The following EPB41L4A variants were observed in gnomAD, a reference collection of about 807,000 sequenced individuals.
The protein encoded by EPB41L4A is erythrocyte membrane protein band 4.1 like 4A.
A neutral mutation model predicts 108.6 loss-of-function variants in EPB41L4A; 100 were observed. That is an observed-to-expected ratio of 0.92 (90% CI 0.78 to 1.09). EPB41L4A has a LOEUF of 1.09. Among genes scored for constraint, EPB41L4A ranks in the 50% least tolerant of loss-of-function variants. The pLI is 0.00. For synonymous variants in EPB41L4A, 319 were observed against 289.0 expected (o/e 1.10, Z -1.05); for missense variants, 1,030 against 842.7 (o/e 1.22, Z -2.75).
At chr5:112,346,196 T>C (rs998337619) in intron 1 of EPB41L4A, among the ~76,000 whole-genome samples, 9 of 149,374 alleles carry the variant, frequency 6.0e-5, no homozygotes, top group African/African-American at 2.2e-4. Context: ...AAAAAAATTC[T>C]TTAAAGTTAG....
At chr5:112,210,376 C>T (rs1762678436) in intron 12 of EPB41L4A, among the ~76,000 whole-genome samples, 1 of 152,132 alleles carries the variant, frequency 6.6e-6, no homozygotes, top group South Asian at 2.1e-4. Context: ...CATATCATGA[C>T]AGTCCCCATT....
chr5:112,386,124 T>A (rs1414107046), intron 1 of EPB41L4A, among the ~76,000 whole-genome samples: 2 of 152,232 alleles, frequency 1.3e-5, no homozygotes, highest in Admixed American at 6.5e-5. Flanking sequence ...GTTAGTCACA[T>A]CTTTAATAAG....
At chr5:112,285,561 T>C (rs1420033191) in intron 2 of EPB41L4A, among the ~76,000 whole-genome samples, 1 of 152,132 alleles carries the variant, frequency 6.6e-6, no homozygotes, top group Non-Finnish European at 1.5e-5. Flanking sequence ...ACCACCATAA[T>C]AGAGCTATCT....
intron 1 of EPB41L4A, among the ~76,000 whole-genome samples, chr5:112,410,980 G>A (rs529601590): frequency 6.6e-4 from 101 of 152,246 alleles, no homozygotes; most frequent in South Asian, 1.2e-3. Flanking sequence ...TCACTGACCC[G>A]CCCTGAACCT....
At chr5:112,222,745 T>A (rs1748155272) in intron 12 of EPB41L4A, among the ~76,000 whole-genome samples, 1 of 152,198 alleles carries the variant, frequency 6.6e-6, no homozygotes, top group Non-Finnish European at 1.5e-5. Flanking sequence ...TCTGCTGGAC[T>A]GCACATCATC....
chr5:112,329,742 G>C (rs554298816), intron 1 of EPB41L4A, among the ~76,000 whole-genome samples: 4 of 152,192 alleles, frequency 2.6e-5, no homozygotes, highest in South Asian at 4.2e-4. Flanking sequence ...ACAGGAAAAA[G>C]GGGGTGTGAA....
rs1310988048 is a variant in EPB41L4A at position 112,194,603 on chromosome 5, T to A, written c.1467A>T (p.Glu489Asp). 6.2e-7 allele frequency: 1 copy of A among 1,606,672 alleles called. No individual in the cohort carries two copies. Residue 489 changes from glutamate to aspartate, a missense_variant, in exon 17 of 23, where the codon GAA (glutamate) becomes GAT (aspartate). Glu to Asp is a conservative substitution (Grantham distance 45). Transcript: ENST00000261486. ...TTTTCCGGTATTCTCTATTAGAATT[T>A]TCTGATTCACTACCACTGCTGGTGT... ...RCNTSSGSES[E>D]NSNREYRKKR...
intron 17 of EPB41L4A, among the ~76,000 whole-genome samples, chr5:112,185,354 T>C (rs943855029): frequency 2.2e-4 from 33 of 152,244 alleles, no homozygotes; most frequent in East Asian, 1.9e-4. Flanking sequence ...GCACTTAGTA[T>C]AGACTGTGGG....
At chr5:112,250,624 C>T (rs1750592652) in intron 9 of EPB41L4A, 1 of 152,150 alleles carries the variant, frequency 6.6e-6, no homozygotes, top group African/African-American at 2.4e-5. Context: ...GGAGAATTTT[C>T]ACCACTTCTG....
intron 12 of EPB41L4A, among the ~76,000 whole-genome samples, chr5:112,219,260 C>A (rs551232856): frequency 6.6e-6 from 1 of 152,262 alleles, no homozygotes; most frequent in East Asian, 1.9e-4. Flanking sequence ...GTGGTTCCCC[C>A]ATGCTATTCT....
At chr5:112,399,029 A>G (rs1675496064) in intron 1 of EPB41L4A, among the ~76,000 whole-genome samples, 1 of 152,114 alleles carries the variant, frequency 6.6e-6, no homozygotes, top group African/African-American at 2.4e-5. Context: ...CAGTAAATGT[A>G]CACTGTGAGA....
At chr5:112,317,084 A>T (rs1755475985) in intron 1 of EPB41L4A, among the ~76,000 whole-genome samples, 1 of 152,234 alleles carries the variant, frequency 6.6e-6, no homozygotes, top group Non-Finnish European at 1.5e-5. Context: ...AACAGATCCC[A>T]TCTCTTGATA....
chr5:112,230,280 CT>C (rs1025169923), intron 12 of EPB41L4A, among the ~76,000 whole-genome samples: 4 of 152,158 alleles, frequency 2.6e-5, no homozygotes, highest in African/African-American at 9.7e-5. Flanking sequence ...GGTAGCTCTA[CT>C]TTTAGTTCTT....
chr5:112,193,287 T>TCTTG (rs1283570094), intron 17 of EPB41L4A, among the ~76,000 whole-genome samples: 1 of 152,106 alleles, frequency 6.6e-6, no homozygotes, highest in East Asian at 1.9e-4. Context: ...TCCTCACTTT[T>TCTTG]CTTTCTTTCT....
chr5:112,282,927 G>C (rs1417450819), intron 2 of EPB41L4A, among the ~76,000 whole-genome samples: 2 of 151,010 alleles, frequency 1.3e-5, no homozygotes, highest in Non-Finnish European at 3.0e-5. Flanking sequence ...TTTTGTCTTT[G>C]TTTCCTTGTC....
intron 2 of EPB41L4A, among the ~76,000 whole-genome samples, chr5:112,280,639 A>T (rs1752910173): frequency 6.6e-6 from 1 of 152,186 alleles, no homozygotes; most frequent in Non-Finnish European, 1.5e-5. Context: ...AATAACATTA[A>T]ATTAAAAATA....
intron 2 of EPB41L4A, among the ~76,000 whole-genome samples, chr5:112,289,286 A>G (rs758681336): frequency 2.6e-5 from 4 of 152,156 alleles, no homozygotes; most frequent in Non-Finnish European, 4.4e-5. Flanking sequence ...TAAGTAGGGG[A>G]GCAACTTCAT....
intron 1 of EPB41L4A, among the ~76,000 whole-genome samples, chr5:112,345,748 A>C (rs1211200916): frequency 6.8e-6 from 1 of 147,214 alleles, no homozygotes; most frequent in Non-Finnish European, 1.5e-5. Context: ...ACAATGCTAC[A>C]GGATGCATAT....
intron 2 of EPB41L4A, among the ~76,000 whole-genome samples, chr5:112,283,996 A>G (rs1034624660): frequency 6.6e-6 from 1 of 152,254 alleles, no homozygotes; most frequent in African/African-American, 2.4e-5. Context: ...TGTATAAAGT[A>G]CATGTCTATC....
Sources: allele counts gnomAD v4.1 joint callset (sites outside exome capture counted in the v4.1 genomes callset), GRCh38; gene constraint gnomAD v4.1.1; transcripts MANE v1.5; gene names NCBI Gene and HGNC (gene_info 2026-07-23, HGNC 2026-07-21).